The following TRIO variants were observed in gnomAD, a reference collection of about 807,000 sequenced individuals.
The protein encoded by TRIO is trio Rho guanine nucleotide exchange factor.
TRIO carries 58 observed loss-of-function variants against 351.9 expected under a neutral mutation model. That is an observed-to-expected ratio of 0.16 (90% CI 0.13 to 0.21). The LOEUF (loss-of-function observed/expected upper bound fraction) is 0.21, where lower values mean the gene tolerates loss of function less well. TRIO is among the 10% of genes least tolerant of loss of function. The probability of loss-of-function intolerance (pLI) is 1.00; values close to 1 mark genes in which losing one functional copy is unlikely to be tolerated. For missense variants in TRIO, 3,201 were observed against 4,027.8 expected (o/e 0.79, Z 5.56); for synonymous variants, 1,758 against 1,595.7 (o/e 1.10, Z -2.42).
chr5:14,399,372 G>A (rs1336957791), intron 30 of TRIO: 4 of 412,558 alleles, frequency 9.7e-6, no homozygotes, highest in Non-Finnish European at 1.7e-5. Context: ...TGCTTAACTA[G>A]CTTTATAAAT....
chr5:14,417,820 A>G (rs42404), intron 33 of TRIO, among the ~76,000 whole-genome samples: 44,581 of 152,144 alleles, frequency 0.29, 7,200 homozygotes, highest in Middle Eastern at 0.47. Context: ...GAGCATATGT[A>G]TCTTTTCTTT....
intron 6 of TRIO, among the ~76,000 whole-genome samples, chr5:14,294,960 A>G (rs1456726966): frequency 3.9e-5 from 6 of 152,176 alleles, no homozygotes. Flanking sequence ...CTAATTTTCT[A>G]CAATATACTT....
chr5:14,157,948 C>G (rs1388074268), intron 1 of TRIO, among the ~76,000 whole-genome samples: 1 of 152,060 alleles, frequency 6.6e-6, no homozygotes, highest in East Asian at 1.9e-4. Flanking sequence ...CTTGGGGAGA[C>G]AGTCTCAGTT....
chr5:14,145,042 G>T (rs1380119360), intron 1 of TRIO, among the ~76,000 whole-genome samples: 1 of 152,054 alleles, frequency 6.6e-6, no homozygotes, highest in African/African-American at 2.4e-5. Flanking sequence ...GGAGAGGCGG[G>T]CGGGGGTGCT....
rs60827656 is a variant in TRIO, at chr5:14,202,294, ATTTTTTTTTTTTTTTTTTTTTTTT to A, written c.157+58425_157+58448del. The stretch of plus-strand genomic sequence containing the variant: ...TTAAAACATTTTGAATATTTTTGTG[ATTTTTTTTTTTTTTTTTTTTTTTT>A]TTTTTTTTTTTTGCTCATCAGCTAT... On this transcript the variant is annotated intron_variant, in intron 1 of 56. Transcript: ENST00000344204. Among the ~76,000 whole-genome samples the A allele has an allele frequency of 5.1e-4, 17 of 33,534 alleles. No homozygotes were observed. In the Admixed American group the frequency reaches 8.0e-3, roughly 16 times the overall value. The allele number at this position is 33,534 out of a possible 152,430, so 22.0% of individuals were successfully genotyped here.
At chr5:14,489,052 A>G (rs1037903409) in intron 48 of TRIO, 1 of 765,238 alleles carries the variant, frequency 1.3e-6, no homozygotes, top group Non-Finnish European at 2.4e-6. Flanking sequence ...GGCCCGTAAC[A>G]CTTTCCTGAA....
intron 1 of TRIO, among the ~76,000 whole-genome samples, chr5:14,156,313 T>C (rs1190346906): frequency 6.6e-6 from 1 of 152,136 alleles, no homozygotes; most frequent in Non-Finnish European, 1.5e-5. Flanking sequence ...ATTTTAGTAG[T>C]GAATGGTATT....
rs1254742885 is a variant in TRIO, at chr5:14,378,114, G to A, written c.3434G>A (p.Arg1145Lys). 1.2e-6 allele frequency: 2 copies of A among 1,611,258 alleles called. No homozygotes were observed. Among genetic ancestry groups the A allele is most frequent in the South Asian group, 2.2e-5 (2 of 90,010 alleles). ...TGTCAGCAGTACGTGGTCTTTGAGA[G>A]GAGTGCCAAGCAGGTCAGTGCACAC... The part of the protein sequence containing the change: ...DQCQQYVVFE[R>K]SAKQALEWIH... Residue 1145 changes from arginine (R) to lysine (K), a missense_variant, in exon 20 of 57, where the codon AGG becomes AAG. Arg to Lys is a conservative substitution (Grantham distance 26). Around this residue, in one of 19 missense-constraint regions of TRIO, gnomAD observed 201 missense variants for 266.5 expected, o/e 0.75. Transcript: ENST00000344204.
intron 1 of TRIO, among the ~76,000 whole-genome samples, chr5:14,144,134 C>T (rs1787343769): frequency 6.6e-6 from 1 of 152,150 alleles, no homozygotes; most frequent in Admixed American, 6.5e-5. Context: ...CCTCCCTGCG[C>T]CCGCCCCTCG....
At chr5:14,369,673 C>T in intron 18 of TRIO, 150 bp downstream of exon 18, 1 of 1,043,406 alleles carries the variant, frequency 9.6e-7, no homozygotes, top group South Asian at 2.6e-5. Context: ...AGTGAGAAGT[C>T]AGCTGAAGAA....
intron 9 of TRIO, 139 bp downstream of exon 9, chr5:14,316,882 A>G (rs1241499535): frequency 7.8e-6 from 8 of 1,025,462 alleles, no homozygotes. Context: ...GTTGAATGTA[A>G]GTGAAAACTG....
intron 34 of TRIO, among the ~76,000 whole-genome samples, chr5:14,454,039 C>G (rs985009590): frequency 6.6e-6 from 1 of 152,116 alleles, no homozygotes; most frequent in Non-Finnish European, 1.5e-5. Flanking sequence ...AAGCGACTCT[C>G]CTGCCTCAGC....
intron 1 of TRIO, among the ~76,000 whole-genome samples, chr5:14,193,602 A>G (rs1288288072): frequency 1.3e-5 from 2 of 152,216 alleles, no homozygotes; most frequent in Non-Finnish European, 2.9e-5. Flanking sequence ...GTAAGTCACT[A>G]TATATCCTCT....
At chr5:14,388,233 T>C (rs982548132) in intron 23 of TRIO, among the ~76,000 whole-genome samples, 1 of 152,122 alleles carries the variant, frequency 6.6e-6, no homozygotes. Flanking sequence ...TAATTGGCAG[T>C]TTTGCCCCCA....
At position 14,252,321 on chromosome 5, in the gene TRIO, AC is replaced by A. The variant is rs540606736; in HGVS notation, c.158-18502del. Reference sequence around the variant, plus strand: ...CTGTGGCCTCACCGAGCACCTGGCCACCATACTAGACTTCCTGCCTGCAGGC... The same window carrying A: ...CTGTGGCCTCACCGAGCACCTGGCCACATACTAGACTTCCTGCCTGCAGGC... On this transcript the variant is annotated intron_variant, in intron 1 of 56. Coordinates refer to ENST00000344204, the MANE Select transcript of TRIO (RefSeq NM_007118.4). Among the ~76,000 whole-genome samples the A allele has an allele frequency of 9.2e-5, 14 of 152,252 alleles. No homozygotes were observed. In the East Asian group the frequency reaches 2.7e-3, roughly 29 times the overall value.
intron 11 of TRIO, among the ~76,000 whole-genome samples, chr5:14,348,158 A>G (rs1318182306): frequency 6.6e-6 from 1 of 152,200 alleles, no homozygotes; most frequent in Non-Finnish European, 1.5e-5. Flanking sequence ...GTTTTGCTTA[A>G]TGAATATCAC....
At chr5:14,469,523 AC>A (rs1252390617) in intron 37 of TRIO, among the ~76,000 whole-genome samples, 1 of 152,278 alleles carries the variant, frequency 6.6e-6, no homozygotes, top group Non-Finnish European at 1.5e-5. Flanking sequence ...GACACAAAAA[AC>A]AACCAAACCC....
At chr5:14,336,925 A>G (rs995241448) in intron 11 of TRIO, among the ~76,000 whole-genome samples, 198 bp downstream of exon 11, 14 of 152,186 alleles carry the variant, frequency 9.2e-5, no homozygotes, top group African/African-American at 3.4e-4. Flanking sequence ...TTGTGAGCGC[A>G]TGGCTGCCTT....
In TRIO at chr5:14,509,336, A is replaced by G. The variant is rs1281687199; in HGVS notation, c.*914A>G. 1.6e-5 allele frequency: 7 copies of G among 435,504 alleles called. 1 individual carries two copies. Among genetic ancestry groups the G allele is most frequent in the East Asian group, 7.1e-5 (1 of 14,018 alleles). 27.0% of individuals were successfully genotyped at this position (435,504 alleles called of 1,614,324 possible). A position where few individuals can be genotyped will look rare whatever the true frequency, so the allele number is the denominator to read the frequency against. ...GACCTCTGTTGTACCTGTAATAAAT[A>G]TATAGAAAAAGCACATACTTCGTAT... is the stretch of plus-strand genomic sequence containing the variant. On this transcript the variant is annotated 3_prime_UTR_variant, in exon 57 of 57. Transcript: ENST00000344204.
Sources: gnomAD v4.1 joint callset for allele counts (sites outside exome capture counted in the v4.1 genomes callset) on GRCh38, gnomAD v4.1.1 for gene constraint, gnomAD v4.1.1 regional missense constraint, MANE v1.5 for transcripts, NCBI Gene and HGNC (gene_info 2026-07-23, HGNC 2026-07-21) for gene names.